SUGCT: variants seen among roughly 807,000 people sequenced by gnomAD.
SUGCT encodes succinyl-CoA:glutarate-CoA transferase.
Under a neutral mutation model 55.0 loss-of-function variants are expected in SUGCT, and 41 were observed. The observed-to-expected ratio is 0.74, with a 90% CI of 0.58 to 0.97. The LOEUF (loss-of-function observed/expected upper bound fraction) is 0.97. Ranked by LOEUF, SUGCT falls within the 50% of genes least tolerant of loss-of-function variation. The pLI, the probability that SUGCT is intolerant of heterozygous loss-of-function variation, is 0.00. For synonymous variants in SUGCT, 187 were observed against 200.4 expected (o/e 0.93, Z 0.56); for missense variants, 568 against 547.8 (o/e 1.04, Z -0.37).
the SUGCT span, among the ~76,000 whole-genome samples, chr7:40,929,875 A>G: frequency 7.9e-5 from 12 of 152,076 alleles, no homozygotes; most frequent in East Asian, 5.8e-4. Context: ...TAGGTTGCCT[A>G]TTCACTCTGA....
Position 40,519,452 on chromosome 7 carries a change from CT to C in SUGCT, c.1089+23068del, listed in dbSNP as rs1793413860. On this transcript the variant is annotated intron_variant, in intron 12 of 13. Coordinates refer to ENST00000335693, the MANE Select transcript of SUGCT (RefSeq NM_001193313.2). ...AACCCTTTGTAGTATGTTTTCAACT[CT>C]TCTGTGTGTCTGCAATTATTTCTAA... is the stretch of plus-strand genomic sequence containing the variant. 2.0e-5 allele frequency among the ~76,000 whole-genome samples: 3 copies of C among 151,894 alleles called. No individual in the cohort carries two copies. The South Asian group carries it at 6.2e-4, about 32-fold the overall frequency.
the SUGCT span, among the ~76,000 whole-genome samples, chr7:41,024,594 C>G: frequency 6.7e-6 from 1 of 149,258 alleles, no homozygotes; most frequent in East Asian, 2.0e-4. Flanking sequence ...GACACGTAAT[C>G]TCATTAGTGA....
At chr7:40,325,241 T>A (rs569287236) in intron 9 of SUGCT, among the ~76,000 whole-genome samples, 3,324 of 152,104 alleles carry the variant, frequency 0.022, 120 homozygotes, top group African/African-American at 0.075. Context: ...GATTTTTTTT[T>A]AAAAAGTCAA....
chr7:40,445,332 C>T (rs992132465), intron 9 of SUGCT, among the ~76,000 whole-genome samples: 19 of 152,134 alleles, frequency 1.2e-4, no homozygotes, highest in Non-Finnish European at 1.5e-5. Flanking sequence ...ACTGATCCCA[C>T]AGAAATACAA....
chr7:40,414,771 G>A (rs970168112), intron 9 of SUGCT, among the ~76,000 whole-genome samples: 2 of 151,994 alleles, frequency 1.3e-5, no homozygotes, highest in African/African-American at 2.4e-5. Context: ...GGCTGGGCGC[G>A]GTGGCTCATG....
chr7:40,488,206 T>G (rs1056007247), intron 11 of SUGCT, among the ~76,000 whole-genome samples: 1 of 152,058 alleles, frequency 6.6e-6, no homozygotes, highest in Admixed American at 6.5e-5. Flanking sequence ...TAATTTCTTG[T>G]TTTTTACTTT....
chr7:40,298,532 G>C (rs980151146), intron 8 of SUGCT, among the ~76,000 whole-genome samples: 3 of 152,084 alleles, frequency 2.0e-5, no homozygotes, highest in African/African-American at 7.2e-5. Flanking sequence ...CATGCCCCAG[G>C]GGAAGAGACT....
intron 12 of SUGCT, among the ~76,000 whole-genome samples, chr7:40,567,491 A>G (rs1212080456): frequency 1.3e-5 from 2 of 152,184 alleles, no homozygotes; most frequent in Non-Finnish European, 2.9e-5. Flanking sequence ...TGTAATCATC[A>G]TAGGCCTAGA....
At chr7:40,861,530 T>G (rs1403621058), downstream of SUGCT, among the ~76,000 whole-genome samples, 1 of 152,226 alleles carries the variant, frequency 6.6e-6, no homozygotes, top group East Asian at 1.9e-4. Flanking sequence ...AACTCCTGGC[T>G]GTTAGGCACA....
the SUGCT span, among the ~76,000 whole-genome samples, chr7:40,932,343 A>G: frequency 6.6e-6 from 1 of 152,166 alleles, no homozygotes; most frequent in African/African-American, 2.4e-5. Flanking sequence ...TTTACTTCCA[A>G]CTATGTGGTC....
intron 7 of SUGCT, among the ~76,000 whole-genome samples, chr7:40,273,857 G>C (rs1210416163): frequency 6.6e-6 from 1 of 152,112 alleles, no homozygotes; most frequent in East Asian, 1.9e-4. Context: ...TTTATACCCA[G>C]ATAGTTGCAA....
At chr7:40,618,128 A>G (rs189294634) in intron 12 of SUGCT, among the ~76,000 whole-genome samples, 1 of 152,290 alleles carries the variant, frequency 6.6e-6, no homozygotes, top group Non-Finnish European at 1.5e-5. Context: ...TGGTTTTGAC[A>G]TTCTTTATTA....
At chr7:40,998,562 T>C in the SUGCT span, among the ~76,000 whole-genome samples, 1 of 152,224 alleles carries the variant, frequency 6.6e-6, no homozygotes, top group Admixed American at 6.5e-5. Flanking sequence ...TAAATTAGTA[T>C]CTTTTCTGAG....
chr7:40,321,484 G>A (rs1017089743), intron 9 of SUGCT, among the ~76,000 whole-genome samples: 1 of 152,104 alleles, frequency 6.6e-6, no homozygotes, highest in Non-Finnish European at 1.5e-5. Context: ...CCGAGTTCAA[G>A]TGATTGTCCT....
At chr7:40,962,463 G>T in the SUGCT span, among the ~76,000 whole-genome samples, 2 of 152,122 alleles carry the variant, frequency 1.3e-5, 1 homozygote, top group African/African-American at 4.8e-5. Context: ...CAAGTGGACA[G>T]TTGGTATCTC....
At chr7:40,720,208 A>G (rs192628938) in intron 12 of SUGCT, among the ~76,000 whole-genome samples, 1 of 152,176 alleles carries the variant, frequency 6.6e-6, no homozygotes, top group Non-Finnish European at 1.5e-5. Context: ...TTAAGTCACA[A>G]ACTCCTTGGT....
intron 9 of SUGCT, among the ~76,000 whole-genome samples, chr7:40,353,898 AT>A (rs1255154142): frequency 6.6e-6 from 1 of 152,026 alleles, no homozygotes; most frequent in African/African-American, 2.4e-5. Flanking sequence ...AACTATCATT[AT>A]TTTCTGCTTT....
the SUGCT span, among the ~76,000 whole-genome samples, chr7:40,911,943 A>G: frequency 1.8e-4 from 27 of 152,118 alleles, no homozygotes; most frequent in African/African-American, 6.3e-4. Context: ...CTAATCATAT[A>G]TGAAGATTGG....
chr7:40,321,700 G>A (rs1795763429), intron 9 of SUGCT, among the ~76,000 whole-genome samples: 1 of 152,136 alleles, frequency 6.6e-6, no homozygotes, highest in Non-Finnish European at 1.5e-5. Context: ...ATGTTTCTGA[G>A]TTATTTTACA....
Sources: gnomAD v4.1 joint callset for allele counts (sites outside exome capture counted in the v4.1 genomes callset) on GRCh38, gnomAD v4.1.1 for gene constraint, MANE v1.5 for transcripts, NCBI Gene and HGNC (gene_info 2026-07-23, HGNC 2026-07-21) for gene names.